HSD17B12: variants seen among roughly 807,000 people sequenced by gnomAD.
HSD17B12 encodes hydroxysteroid 17-beta dehydrogenase 12.
HSD17B12 carries 32 observed loss-of-function variants against 39.3 expected under a neutral mutation model. That is an observed-to-expected ratio of 0.81 (90% confidence interval 0.61 to 1.09). HSD17B12 has a LOEUF of 1.09. Among genes scored for constraint, HSD17B12 ranks in the 50% least tolerant of loss-of-function variants. The pLI, the probability that HSD17B12 is intolerant of heterozygous loss-of-function variation, is 0.00. For synonymous variants in HSD17B12, 150 were observed against 146.7 expected, an observed-to-expected ratio of 1.02 and a Z score of -0.16; for missense variants, 342 against 382.9, an observed-to-expected ratio of 0.89 and a Z score of 0.89.
chr11:43,657,804 A>T, the HSD17B12 span, among the ~76,000 whole-genome samples: 1 of 152,172 alleles, frequency 6.6e-6, no homozygotes, highest in African/African-American at 2.4e-5. Context: ...TTTGTGGGTA[A>T]CCCGACCTTT....
the HSD17B12 span, among the ~76,000 whole-genome samples, chr11:43,631,534 T>C: frequency 6.6e-6 from 1 of 151,984 alleles, no homozygotes; most frequent in East Asian, 1.9e-4. Context: ...AAAGGTGTTC[T>C]CTCTCTCTGT....
At chr11:43,756,472 G>A (rs1182148826) in intron 3 of HSD17B12, among the ~76,000 whole-genome samples, 1 of 152,132 alleles carries the variant, frequency 6.6e-6, no homozygotes, top group African/African-American at 2.4e-5. Context: ...TTAACATACT[G>A]CCTGGATCTT....
intron 4 of HSD17B12, among the ~76,000 whole-genome samples, chr11:43,800,692 G>A (rs1950958262): frequency 6.6e-6 from 1 of 152,096 alleles, no homozygotes; most frequent in Non-Finnish European, 1.5e-5. Flanking sequence ...TGGACATAAG[G>A]ACTGATATTT....
the HSD17B12 span, among the ~76,000 whole-genome samples, chr11:43,562,076 A>G: frequency 6.6e-6 from 1 of 152,242 alleles, no homozygotes; most frequent in African/African-American, 2.4e-5. Context: ...AAACAATGGG[A>G]GTATTCACAT....
chr11:43,815,304 G>A, intron 4 of HSD17B12, 133 bp from the exon 5 acceptor site: 1 of 454,748 alleles, frequency 2.2e-6, no homozygotes, highest in Non-Finnish European at 3.9e-6. Context: ...TGTGGAAAAG[G>A]TTATGCTAGC....
At chr11:43,655,180 G>T in the HSD17B12 span, among the ~76,000 whole-genome samples, 1 of 152,156 alleles carries the variant, frequency 6.6e-6, no homozygotes, top group Non-Finnish European at 1.5e-5. Context: ...GTGATTGGGA[G>T]TTCACTCATG....
At chr11:43,669,545 G>A in the HSD17B12 span, among the ~76,000 whole-genome samples, 645 of 151,938 alleles carry the variant, frequency 4.2e-3, 3 homozygotes, top group East Asian at 0.03. Context: ...ACAATTTTGA[G>A]GCTAGAAGTC....
At chr11:43,558,643 C>A in the HSD17B12 span, among the ~76,000 whole-genome samples, 1 of 151,990 alleles carries the variant, frequency 6.6e-6, no homozygotes, top group East Asian at 1.9e-4. Flanking sequence ...TTCAGATGAG[C>A]CTGGAAATAT....
At chr11:43,653,468 G>GTA in the HSD17B12 span, among the ~76,000 whole-genome samples, 1 of 152,092 alleles carries the variant, frequency 6.6e-6, no homozygotes, top group Admixed American at 6.5e-5. Flanking sequence ...TGTTACATAT[G>GTA]TATACCTGTG....
chr11:43,826,780 T>G (rs1239829207), intron 6 of HSD17B12, among the ~76,000 whole-genome samples: 1 of 152,198 alleles, frequency 6.6e-6, no homozygotes, highest in Non-Finnish European at 1.5e-5. Flanking sequence ...GTTGTGTTCT[T>G]TTTTACCGCG....
chr11:43,817,622 G>A (rs1244169279), intron 6 of HSD17B12, among the ~76,000 whole-genome samples: 1 of 151,968 alleles, frequency 6.6e-6, no homozygotes, highest in Non-Finnish European at 1.5e-5. Flanking sequence ...TCCACTTTAT[G>A]TTTTTGTTTG....
At chr11:43,643,797 A>G in the HSD17B12 span, among the ~76,000 whole-genome samples, 3 of 152,330 alleles carry the variant, frequency 2.0e-5, no homozygotes, top group Admixed American at 2.0e-4. Flanking sequence ...GAAGTTAGAA[A>G]ACAGATTTTA....
intron 1 of HSD17B12, chr11:43,733,835 C>T (rs1361363927): frequency 5.8e-6 from 4 of 688,988 alleles, no homozygotes; most frequent in South Asian, 4.2e-5. Context: ...GTAAACTCTG[C>T]CTTATATAAT....
chr11:43,617,792 C>CCCAGGT, the HSD17B12 span, among the ~76,000 whole-genome samples: 137 of 152,194 alleles, frequency 9.0e-4, 4 homozygotes, highest in South Asian at 0.027. Flanking sequence ...CAGGAATCAT[C>CCCAGGT]CCAGGTCATA....
chr11:43,750,669 C>T (rs1038497633), intron 1 of HSD17B12, among the ~76,000 whole-genome samples: 2 of 152,160 alleles, frequency 1.3e-5, no homozygotes, highest in Non-Finnish European at 2.9e-5. Context: ...ATTTACAGTG[C>T]CACCAGCAAT....
intron 1 of HSD17B12, among the ~76,000 whole-genome samples, chr11:43,729,590 A>G (rs912830595): frequency 1.3e-5 from 2 of 152,228 alleles, no homozygotes; most frequent in Non-Finnish European, 2.9e-5. Context: ...TGAAAAGTGC[A>G]TAAGAGGACG....
the HSD17B12 span, among the ~76,000 whole-genome samples, chr11:43,587,183 G>C: frequency 6.6e-6 from 1 of 152,132 alleles, no homozygotes; most frequent in Non-Finnish European, 1.5e-5. Context: ...TTCCATTCAT[G>C]CATTCGTTCA....
the HSD17B12 span, among the ~76,000 whole-genome samples, chr11:43,620,436 A>C: frequency 1.3e-5 from 2 of 152,234 alleles, no homozygotes; most frequent in Admixed American, 1.3e-4. Flanking sequence ...AGGGGCTAAT[A>C]ATAACATAAT....
the HSD17B12 span, among the ~76,000 whole-genome samples, chr11:43,581,665 G>T: frequency 6.6e-6 from 1 of 151,664 alleles, no homozygotes. This position sits in a 1 kb window ranked among gnomAD's most constrained non-coding sequence, Gnocchi z 4.9. Flanking sequence ...CGAGTCCCCC[G>T]CCCCCAACTT....
Sources: allele counts gnomAD v4.1 joint callset (sites outside exome capture counted in the v4.1 genomes callset), GRCh38; gene constraint gnomAD v4.1.1; non-coding constraint Gnocchi (gnomAD v3.1); transcripts MANE v1.5; gene names NCBI Gene and HGNC (gene_info 2026-07-23, HGNC 2026-07-21).